The following FKBP5 variants were observed in gnomAD, a reference collection of about 807,000 sequenced individuals.
FKBP5 encodes the protein peptidyl-prolyl cis-trans isomerase FKBP5.
FKBP5 carries 23 observed loss-of-function variants against 50.5 expected under a neutral mutation model. The ratio of observed to expected loss-of-function variants is 0.46; its 90% CI spans 0.33 to 0.65. The LOEUF (loss-of-function observed/expected upper bound fraction) is 0.65, where lower values mean the gene tolerates loss of function less well. Among genes scored for constraint, FKBP5 ranks in the 30% least tolerant of loss-of-function variants. The probability of loss-of-function intolerance (pLI) is 0.02; values close to 1 mark genes in which losing one functional copy is unlikely to be tolerated. For missense variants in FKBP5, 411 were observed against 553.1 expected (o/e 0.74, Z 2.58); for synonymous variants, 176 against 190.6 (o/e 0.92, Z 0.63).
intron 9 of FKBP5, 76 bp downstream of exon 9, chr6:35,579,960 G>T: frequency 8.8e-7 from 1 of 1,138,210 alleles, no homozygotes; most frequent in Non-Finnish European, 1.3e-6. Context: ...ACCTTTGGCT[G>T]AGAGGAAGCA....
rs1763787924 is a variant in FKBP5 at position 35,620,173 on chromosome 6, T to C, written c.352A>G (p.Ser118Gly). 6.2e-7 allele frequency: 1 copy of C among 1,614,174 alleles called. No individual in the cohort carries two copies. Among genetic ancestry groups the C allele is most frequent in the Non-Finnish European group, 8.5e-7 (1 of 1,180,036 alleles). Residue 118 changes from serine (S) to glycine (G), a missense_variant, in exon 4 of 11, where the codon AGT becomes GGT. Physicochemically the swap from Ser to Gly is moderately conservative, Grantham distance 56. Coordinates refer to ENST00000357266, the MANE Select transcript of FKBP5 (RefSeq NM_004117.4). ...KPEYAYGSAGSLPKIPSNATL... is the reference protein window; with the variant it reads ...KPEYAYGSAGGLPKIPSNATL... ...GCATTCGAGGGAATTTTAGGGAGAC[T>C]GCCAGCCGAGCCATATGCATATTCT...
intron 1 of FKBP5, among the ~76,000 whole-genome samples, chr6:35,683,118 A>ATGTGTGTG (rs1269365673): frequency 3.7e-4 from 40 of 108,850 alleles, no homozygotes; most frequent in African/African-American, 3.5e-4. Context: ...ATATATACGT[A>ATGTGTGTG]TATGTGTGTG....
chr6:35,693,729 C>A (rs1030025632), upstream of FKBP5, among the ~76,000 whole-genome samples: 9 of 150,466 alleles, frequency 6.0e-5, no homozygotes, highest in Admixed American at 2.0e-4. Context: ...CCATGTTGGC[C>A]AGGCTGGTCT....
At position 35,633,542 on chromosome 6, in the gene FKBP5, CAA is replaced by C. The variant is rs10714201; in HGVS notation, c.250+3470_250+3471del. Among the ~76,000 whole-genome samples, 172 of 91,568 alleles carry C rather than the reference CAA, an allele frequency of 1.9e-3. 1 individual carries two copies. The highest frequency in any genetic ancestry group is 2.5e-3 in the Non-Finnish European group (115 of 45,728). The allele number at this position is 91,568 out of a possible 152,430, so 60.1% of individuals were successfully genotyped here. A position where few individuals can be genotyped will look rare whatever the true frequency, so the allele number is the denominator to read the frequency against. On this transcript the variant is annotated intron_variant, in intron 3 of 10. Transcript: ENST00000357266. ...TGGGCTACAGAGTGAGATTCCATCT[CAA>C]AAAAAAAAAAAAAAAGGAAAAAAAA...
chr6:35,697,636 A>G (rs1581892657), intron 2 of FKBP5, among the ~76,000 whole-genome samples: 2 of 152,334 alleles, frequency 1.3e-5, no homozygotes, highest in Non-Finnish European at 2.9e-5. Context: ...AGTCGGTCAT[A>G]AAATATCTCA....
At chr6:35,679,708 G>T (rs567458253) in intron 1 of FKBP5, among the ~76,000 whole-genome samples, 2 of 152,214 alleles carry the variant, frequency 1.3e-5, no homozygotes, top group African/African-American at 2.4e-5. Flanking sequence ...ACCTATAAGT[G>T]GGAGATAAAC....
intron 2 of FKBP5, among the ~76,000 whole-genome samples, chr6:35,699,466 T>C (rs1766140698): frequency 6.6e-6 from 1 of 152,190 alleles, no homozygotes; most frequent in Non-Finnish European, 1.5e-5. Context: ...CCAAGGTTAC[T>C]CTCTATCACA....
At chr6:35,686,198 A>G (rs936974563) in intron 1 of FKBP5, among the ~76,000 whole-genome samples, 2 of 152,090 alleles carry the variant, frequency 1.3e-5, no homozygotes, top group Non-Finnish European at 2.9e-5. Flanking sequence ...TGAGAATTCA[A>G]CTTATGCTTA....
intron 7 of FKBP5, among the ~76,000 whole-genome samples, chr6:35,589,961 GA>G (rs1490048488): frequency 6.6e-6 from 1 of 152,150 alleles, no homozygotes; most frequent in Non-Finnish European, 1.5e-5. Flanking sequence ...TTTCTTTTCT[GA>G]ATCTAACAAA....
chr6:35,582,541 A>G (rs1049237403), intron 8 of FKBP5: 10 of 538,822 alleles, frequency 1.9e-5, no homozygotes, highest in Non-Finnish European at 2.4e-5. Flanking sequence ...GGGAGCTACA[A>G]GGAACCAGAG....
chr6:35,650,766 G>C (rs915285271), intron 1 of FKBP5, among the ~76,000 whole-genome samples: 20 of 152,190 alleles, frequency 1.3e-4, no homozygotes, highest in African/African-American at 3.9e-4. Flanking sequence ...ATGAGCCACC[G>C]CACCTGGCAC....
chr6:35,596,080 C>T (rs1386079791), intron 6 of FKBP5, among the ~76,000 whole-genome samples: 3 of 151,586 alleles, frequency 2.0e-5, no homozygotes, highest in Non-Finnish European at 4.4e-5. Context: ...ATGGGCTGGG[C>T]GTGGTGGCTC....
chr6:35,625,350 G>A (rs548945463), intron 3 of FKBP5, among the ~76,000 whole-genome samples: 18 of 152,186 alleles, frequency 1.2e-4, no homozygotes, highest in African/African-American at 4.1e-4. Context: ...CTCCCGAAGT[G>A]CTGGGATTAC....
chr6:35,647,518 G>A (rs927456904), intron 1 of FKBP5, among the ~76,000 whole-genome samples: 8 of 152,224 alleles, frequency 5.3e-5, no homozygotes, highest in African/African-American at 1.4e-4. Flanking sequence ...AGGTCAGACC[G>A]AAGGAGAGAG....
intron 2 of FKBP5, among the ~76,000 whole-genome samples, chr6:35,715,710 C>T (rs1477594538): frequency 6.6e-6 from 1 of 152,226 alleles, no homozygotes; most frequent in East Asian, 1.9e-4. Flanking sequence ...CTGTGCATGG[C>T]CGGCTGGCTG....
At chr6:35,660,808 C>T (rs1030505983) in intron 1 of FKBP5, among the ~76,000 whole-genome samples, 1 of 84,046 alleles carries the variant, frequency 1.2e-5, no homozygotes, top group African/African-American at 3.7e-5. Flanking sequence ...ATCTACTTAT[C>T]CTTTCAAGTT....
At chr6:35,704,327 C>T (rs1329875288) in intron 2 of FKBP5, among the ~76,000 whole-genome samples, 1 of 152,210 alleles carries the variant, frequency 6.6e-6, no homozygotes, top group Non-Finnish European at 1.5e-5. Flanking sequence ...TGACCACTGC[C>T]AGATCTCAAG....
chr6:35,698,133 A>G (rs1375480834), intron 2 of FKBP5, among the ~76,000 whole-genome samples: 1 of 152,084 alleles, frequency 6.6e-6, no homozygotes, highest in African/African-American at 2.4e-5. Context: ...ACCTGATGTC[A>G]GGGGTTCAAG....
At chr6:35,618,614 G>C (rs1467070031) in intron 5 of FKBP5, among the ~76,000 whole-genome samples, 1 of 152,074 alleles carries the variant, frequency 6.6e-6, no homozygotes, top group Non-Finnish European at 1.5e-5. Context: ...AAGCTCAAGA[G>C]ATCCTCCTGC....
Sources: allele counts gnomAD v4.1 joint callset (sites outside exome capture counted in the v4.1 genomes callset), GRCh38; gene constraint gnomAD v4.1.1; transcripts MANE v1.5; gene names NCBI Gene and HGNC (gene_info 2026-07-23, HGNC 2026-07-21).